SLC2A13: variants seen among roughly 807,000 people sequenced by gnomAD.
SLC2A13 encodes solute carrier family 2 member 13.
SLC2A13 carries 32 observed loss-of-function variants against 64.4 expected under a neutral mutation model. That is an observed-to-expected ratio of 0.50 (90% CI 0.37 to 0.67). The LOEUF (loss-of-function observed/expected upper bound fraction) is 0.67, where lower values mean the gene tolerates loss of function less well. Ranked by LOEUF, SLC2A13 falls within the 30% of genes least tolerant of loss-of-function variation. The pLI is 0.00. For missense variants in SLC2A13, 743 were observed against 829.2 expected (o/e 0.90, Z 1.28); for synonymous variants, 338 against 327.1 (o/e 1.03, Z -0.36).
chr12:40,105,228 C>A lies in SLC2A13; in HGVS notation c.556+25G>T, dbSNP rs772948993. 4.4e-5 allele frequency: 68 copies of A among 1,537,892 alleles called. No individual in the cohort carries two copies. The highest frequency in any genetic ancestry group is 9.8e-5 in the South Asian group (8 of 81,430). ...AGGGCGGTGACAATGGGATCCCGGG[C>A]GCCCTTCACGGAGCCCGAACTCACC... On this transcript the variant is annotated intron_variant, in intron 1 of 9. Coordinates refer to ENST00000280871, the MANE Select transcript of SLC2A13 (RefSeq NM_052885.4). The surrounding 1 kb of genome is among the most constrained non-coding windows in gnomAD (Gnocchi z 4.2).
intron 4 of SLC2A13, among the ~76,000 whole-genome samples, chr12:39,934,884 C>T (rs1214656192): frequency 6.6e-6 from 1 of 152,076 alleles, no homozygotes; most frequent in Admixed American, 6.5e-5. Flanking sequence ...CTCTTCCTGC[C>T]ATGAATGGCA....
chr12:39,837,722 C>CA (rs1195694960), intron 6 of SLC2A13, among the ~76,000 whole-genome samples: 6 of 152,124 alleles, frequency 3.9e-5, no homozygotes, highest in Non-Finnish European at 7.4e-5. Context: ...TTTATACAAC[C>CA]AAAAAACACA....
intron 3 of SLC2A13, among the ~76,000 whole-genome samples, chr12:39,997,155 C>A (rs186841036): frequency 6.6e-6 from 1 of 152,102 alleles, no homozygotes; most frequent in Non-Finnish European, 1.5e-5. Flanking sequence ...ACCACAGTCA[C>A]CAAAACAGCA....
At chr12:40,048,712 T>C (rs1385613319) in intron 1 of SLC2A13, among the ~76,000 whole-genome samples, 19 of 152,202 alleles carry the variant, frequency 1.2e-4, no homozygotes, top group Admixed American at 1.2e-3. Flanking sequence ...TAAATCACCT[T>C]ATTCAATTGG....
intron 3 of SLC2A13, among the ~76,000 whole-genome samples, chr12:39,958,483 T>C (rs1379530063): frequency 6.6e-6 from 1 of 152,178 alleles, no homozygotes; most frequent in Non-Finnish European, 1.5e-5. Flanking sequence ...TATTCATGTG[T>C]TCAATAAGAA....
intron 1 of SLC2A13, among the ~76,000 whole-genome samples, chr12:40,088,441 T>G (rs1938657215): frequency 1.3e-5 from 2 of 151,532 alleles, no homozygotes; most frequent in South Asian, 4.1e-4. Flanking sequence ...TCAAAAGACC[T>G]TTTTTTTACT....
chr12:40,105,740 C>A lies in SLC2A13; in HGVS notation c.69G>T (p.Arg23=). 6.7e-7 allele frequency: 1 copy of A among 1,488,174 alleles called. No individual in the cohort carries two copies. Among genetic ancestry groups the A allele is most frequent in the South Asian group, 1.3e-5 (1 of 77,966 alleles). The allele number at this position is 1,488,174 out of a possible 1,614,324, so 92.2% of individuals were successfully genotyped here. The change falls in exon 1 of 10, where the codon CGG becomes CGT. Residue 23 remains arginine, a synonymous_variant. Coordinates refer to ENST00000280871, the MANE Select transcript of SLC2A13 (RefSeq NM_052885.4). The surrounding 1 kb of genome is among the most constrained non-coding windows in gnomAD (Gnocchi z 4.2). ...CGTCCGGCTCCGGCTGCTTCCTGCG[C>A]CGCTCGCCCATCAGGCTGCTCAGGC... The part of the protein sequence containing the change: ...LRSLSSLMGE[R]RRKQPEPDAA...
At chr12:39,944,488 T>A (rs1399725091) in intron 4 of SLC2A13, among the ~76,000 whole-genome samples, 1 of 152,160 alleles carries the variant, frequency 6.6e-6, no homozygotes, top group Non-Finnish European at 1.5e-5. Flanking sequence ...TCTCATTTCT[T>A]AGGTCTATTA....
At chr12:39,943,446 C>T (rs1946076976) in intron 4 of SLC2A13, among the ~76,000 whole-genome samples, 1 of 152,306 alleles carries the variant, frequency 6.6e-6, no homozygotes, top group South Asian at 2.1e-4. Context: ...TTCAGAGAGG[C>T]CCTGCCCAGA....
intron 3 of SLC2A13, among the ~76,000 whole-genome samples, chr12:40,025,821 A>C (rs1947794593): frequency 6.6e-6 from 1 of 152,208 alleles, no homozygotes; most frequent in Non-Finnish European, 1.5e-5. Context: ...TTTCTGTGCC[A>C]GTGCATTTTT....
intron 3 of SLC2A13, among the ~76,000 whole-genome samples, chr12:39,958,194 CCTAA>C (rs1946349793): frequency 1.3e-5 from 2 of 152,124 alleles, no homozygotes; most frequent in African/African-American, 4.8e-5. Flanking sequence ...TGTATGTATG[CCTAA>C]CTTCTTTCCA....
At chr12:40,038,053 CT>C (rs1456923363) in intron 2 of SLC2A13, among the ~76,000 whole-genome samples, 2 of 152,122 alleles carry the variant, frequency 1.3e-5, no homozygotes, top group Admixed American at 1.3e-4. Context: ...TAATTTGCTC[CT>C]ATTATTCTAG....
At chr12:39,800,009 T>C (rs1566804280) in intron 7 of SLC2A13, among the ~76,000 whole-genome samples, 1 of 152,212 alleles carries the variant, frequency 6.6e-6, no homozygotes, top group South Asian at 2.1e-4. Context: ...GTCTACCTTT[T>C]TTTGCAGTTC....
chr12:40,078,185 T>A (rs915999091), intron 1 of SLC2A13, among the ~76,000 whole-genome samples: 13 of 152,192 alleles, frequency 8.5e-5, no homozygotes, highest in African/African-American at 1.7e-4. Flanking sequence ...TCCAGTACTA[T>A]GCTGAATAGG....
rs1367955039 is a variant in SLC2A13, at chr12:40,048,077, G to A, written c.690C>T (p.Phe230=). The stretch of plus-strand genomic sequence containing the variant: ...TCCATCCATCCTTCTGGAGATAACT[G>A]AAGGCTCCATCAACAACACTTGCAA... ...QFFASVVDGA[F]SYLQKDGWRY... is the part of the protein sequence containing the mutation. The change falls in exon 2 of 10, where the codon TTC becomes TTT. Residue 230 remains phenylalanine, a synonymous_variant. Transcript: ENST00000280871. The A allele has an allele frequency of 3.7e-6, 6 of 1,611,938 alleles. No individual in the cohort carries two copies. The East Asian group carries it at 1.3e-4, about 36-fold the overall frequency.
chr12:39,979,518 T>G (rs1372415924), intron 3 of SLC2A13, among the ~76,000 whole-genome samples: 1 of 148,940 alleles, frequency 6.7e-6, no homozygotes, highest in Non-Finnish European at 1.5e-5. Flanking sequence ...GAGAACTACG[T>G]GAAGAATGCA....
chr12:40,069,588 A>T (rs1326124793), intron 1 of SLC2A13, among the ~76,000 whole-genome samples: 1 of 152,098 alleles, frequency 6.6e-6, no homozygotes, highest in African/African-American at 2.4e-5. Flanking sequence ...TACAGATGCT[A>T]TCTTGTTACC....
At chr12:39,806,693 A>G (rs977845816) in intron 7 of SLC2A13, among the ~76,000 whole-genome samples, 1 of 152,232 alleles carries the variant, frequency 6.6e-6, no homozygotes, top group Non-Finnish European at 1.5e-5. Context: ...GAAAGTTAAT[A>G]TCTTATTATT....
chr12:39,771,009 A>T (rs1940546827), intron 7 of SLC2A13, among the ~76,000 whole-genome samples: 1 of 152,150 alleles, frequency 6.6e-6, no homozygotes, highest in African/African-American at 2.4e-5. Flanking sequence ...TCAAAAGGCT[A>T]TTTTGATGCT....
Sources: allele counts gnomAD v4.1 joint callset (sites outside exome capture counted in the v4.1 genomes callset), GRCh38; gene constraint gnomAD v4.1.1; non-coding constraint Gnocchi (gnomAD v3.1); transcripts MANE v1.5; gene names NCBI Gene and HGNC (gene_info 2026-07-23, HGNC 2026-07-21).